Variants in ACTN4 observed in about 807,000 individuals in gnomAD.
The protein encoded by ACTN4 is actinin alpha 4, also known as alpha-actinin-4.
Under a neutral mutation model 114.2 loss-of-function variants are expected in ACTN4, and 18 were observed. The observed-to-expected ratio is 0.16, with a 90% CI of 0.11 to 0.23. ACTN4 has a LOEUF of 0.23. Ranked by LOEUF, ACTN4 falls within the 10% of genes least tolerant of loss-of-function variation. The pLI is 1.00. For missense variants in ACTN4, 722 were observed against 1,262.9 expected, an observed-to-expected ratio of 0.57 and a Z score of 6.49; for synonymous variants, 515 against 506.3, an observed-to-expected ratio of 1.02 and a Z score of -0.23.
intron 8 of ACTN4, among the ~76,000 whole-genome samples, chr19:38,713,453 G>A (rs1968731670): frequency 6.6e-6 from 1 of 152,186 alleles, no homozygotes; most frequent in Non-Finnish European, 1.5e-5. Context: ...CACTGGCCTG[G>A]GGCCCATGTT....
intron 1 of ACTN4, among the ~76,000 whole-genome samples, chr19:38,654,474 A>C (rs749649106): frequency 2.6e-5 from 4 of 151,798 alleles, no homozygotes; most frequent in Admixed American, 1.3e-4. Flanking sequence ...AGGCAGGATA[A>C]TCACTCAAAC....
At chr19:38,686,895 C>G (rs1028770413) in intron 1 of ACTN4, among the ~76,000 whole-genome samples, 1 of 152,116 alleles carries the variant, frequency 6.6e-6, no homozygotes, top group South Asian at 2.1e-4. Context: ...GCCGCCTATC[C>G]CCCTTTACCC....
At chr19:38,664,414 G>C (rs1966894776) in intron 1 of ACTN4, among the ~76,000 whole-genome samples, 1 of 152,142 alleles carries the variant, frequency 6.6e-6, no homozygotes, top group African/African-American at 2.4e-5. Flanking sequence ...GATAAGGTTA[G>C]GGTAGCGGCG....
intron 1 of ACTN4, among the ~76,000 whole-genome samples, chr19:38,695,746 T>C (rs1018981868): frequency 3.3e-5 from 5 of 152,154 alleles, no homozygotes; most frequent in Non-Finnish European, 2.9e-5. Context: ...CCCTCATTTT[T>C]ATCTTATTAA....
chr19:38,671,921 T>C (rs1341591774), intron 1 of ACTN4, among the ~76,000 whole-genome samples: 2 of 152,222 alleles, frequency 1.3e-5, no homozygotes, highest in Non-Finnish European at 2.9e-5. Flanking sequence ...TTAGATGTTA[T>C]TTGTGTGCCT....
intron 1 of ACTN4, among the ~76,000 whole-genome samples, chr19:38,684,707 C>T (rs912194322): frequency 3.9e-5 from 6 of 151,998 alleles, no homozygotes; most frequent in Admixed American, 6.6e-5. Flanking sequence ...TGGTTCCTCC[C>T]GATCCTATAA....
chr19:38,655,059 C>T (rs1321978602), intron 1 of ACTN4, among the ~76,000 whole-genome samples: 3 of 152,156 alleles, frequency 2.0e-5, no homozygotes, highest in Non-Finnish European at 2.9e-5. Context: ...TGTGCTTATC[C>T]CCTTCCTTCG....
chr19:38,705,189 C>G (rs890663739), intron 4 of ACTN4, among the ~76,000 whole-genome samples, 169 bp downstream of exon 4: 2 of 152,204 alleles, frequency 1.3e-5, no homozygotes, highest in Non-Finnish European at 2.9e-5. Context: ...GGAGGCTCCT[C>G]CCAGCTGCCT....
chr19:38,653,183 C>G (rs535202016), intron 1 of ACTN4, among the ~76,000 whole-genome samples: 1 of 152,178 alleles, frequency 6.6e-6, no homozygotes, highest in South Asian at 2.1e-4. Context: ...ACATATGCTC[C>G]AGTCATGGCA....
In ACTN4 at chr19:38,731,140, C is replaced by A. The variant is rs563664489; in HGVS notation, c.*1708C>A. The A allele has an allele frequency of 9.3e-6, 15 of 1,612,746 alleles. No individual in the cohort carries two copies. Among genetic ancestry groups the A allele is most frequent in the Non-Finnish European group, 1.2e-5 (14 of 1,179,916 alleles). On this transcript the variant is annotated 3_prime_UTR_variant, in exon 21 of 21. Coordinates refer to ENST00000252699, the MANE Select transcript of ACTN4 (RefSeq NM_004924.6). ...CAGGTGAGGTGGGCCACACAGGACA[C>A]GAACCGCTCGAAGTCCACACGCAGA...
At chr19:38,720,713 G>A (rs1969010239) in intron 11 of ACTN4, among the ~76,000 whole-genome samples, 1 of 152,234 alleles carries the variant, frequency 6.6e-6, no homozygotes, top group African/African-American at 2.4e-5. Flanking sequence ...TACAGATGAA[G>A]GCACAGGCCC....
At chr19:38,728,211 C>G in intron 19 of ACTN4, 185 bp downstream of exon 19, 2 of 1,384,096 alleles carry the variant, frequency 1.4e-6, no homozygotes, top group South Asian at 1.3e-5. Context: ...GCCGCTGTCT[C>G]CCTGCTCCCC....
At chr19:38,691,337 G>T (rs117985824) in intron 1 of ACTN4, among the ~76,000 whole-genome samples, 3,761 of 144,278 alleles carry the variant, frequency 0.026, 78 homozygotes, top group Admixed American at 0.066. Context: ...GGAGGCAGAA[G>T]TTGCGTTGAG....
At chr19:38,664,732 CA>C (rs1478730320) in intron 1 of ACTN4, among the ~76,000 whole-genome samples, 1 of 152,112 alleles carries the variant, frequency 6.6e-6, no homozygotes, top group East Asian at 1.9e-4. Flanking sequence ...TTTCCTTTTC[CA>C]CCTGGTTAAG....
intron 1 of ACTN4, among the ~76,000 whole-genome samples, chr19:38,700,305 CAT>C (rs1307676055): frequency 6.6e-6 from 1 of 152,166 alleles, no homozygotes; most frequent in East Asian, 1.9e-4. Flanking sequence ...GGAAAAAGCA[CAT>C]GTTGCCAAAA....
At chr19:38,710,683 AT>A in intron 8 of ACTN4, 1 of 384,424 alleles carries the variant, frequency 2.6e-6, no homozygotes. Flanking sequence ...GGGGACAGAG[AT>A]GGCTGGGGTG....
intron 7 of ACTN4, among the ~76,000 whole-genome samples, chr19:38,709,694 T>C (rs575658679): frequency 5.9e-5 from 9 of 152,146 alleles, no homozygotes; most frequent in Non-Finnish European, 1.3e-4. Flanking sequence ...GCCAGATGCC[T>C]TCAGGGATGA....
rs965106414 is a variant in ACTN4, at chr19:38,662,832, C to T, written c.162+14925C>T. ...GCCTCTTTCTATCACACTATAAAGA[C>T]ATAAAAGGTCCTTTGAAAGACTCCA... On this transcript the variant is annotated intron_variant, in intron 1 of 20. Transcript: ENST00000252699. Among the ~76,000 whole-genome samples, 8 of 151,772 alleles carry T rather than the reference C, an allele frequency of 5.3e-5. No individual in the cohort carries two copies. In the South Asian group the frequency reaches 6.3e-4, roughly 12 times the overall value.
At position 38,729,479 on chromosome 19, in the gene ACTN4, C is replaced by A. The variant is rs1367513275; in HGVS notation, c.*47C>A. 1 of 1,604,316 alleles carries A rather than the reference C, an allele frequency of 6.2e-7. No homozygotes were observed. Among genetic ancestry groups the A allele is most frequent in the Admixed American group, 1.7e-5 (1 of 59,296 alleles). On this transcript the variant is annotated 3_prime_UTR_variant, in exon 21 of 21. Coordinates refer to ENST00000252699, the MANE Select transcript of ACTN4 (RefSeq NM_004924.6). ...CACCCCCGACGGCCTCCAGGAGGGG[C>A]CTGGGCAGCCCCACAGTCCCATTCC...
Sources: allele counts gnomAD v4.1 joint callset (sites outside exome capture counted in the v4.1 genomes callset), GRCh38; gene constraint gnomAD v4.1.1; transcripts MANE v1.5; gene names NCBI Gene and HGNC (gene_info 2026-07-23, HGNC 2026-07-21).